Variants in SLIT1 observed in about 807,000 individuals in gnomAD.
The protein encoded by SLIT1 is slit guidance ligand 1, also known as slit homolog 1 protein.
Under a neutral mutation model 186.1 loss-of-function variants are expected in SLIT1, and 66 were observed. That is an observed-to-expected ratio of 0.35 (90% CI 0.29 to 0.44). The LOEUF (loss-of-function observed/expected upper bound fraction) is 0.44, where lower values mean the gene tolerates loss of function less well. Among genes scored for constraint, SLIT1 ranks in the 20% least tolerant of loss-of-function variants. SLIT1 has a pLI of 1.00. For missense variants in SLIT1, 1,638 were observed against 2,037.4 expected, an observed-to-expected ratio of 0.80 and a Z score of 3.77; for synonymous variants, 761 against 833.8, an observed-to-expected ratio of 0.91 and a Z score of 1.50.
At position 97,004,359 on chromosome 10, in the gene SLIT1, A is replaced by G. The variant is rs535667647; in HGVS notation, c.3711-137T>C. The G allele has an allele frequency of 6.0e-5, 52 of 873,336 alleles. No homozygotes were observed. The highest frequency in any genetic ancestry group is 1.7e-4 in the Admixed American group (7 of 40,544). The allele number at this position is 873,336 out of a possible 1,614,324, so 54.1% of individuals were successfully genotyped here. ...TAAGGAAAAGGACTGTGGGGGCTCAAGGGTCTATCGCATGATCCCTTTCAC... is the reference window on the plus strand; with the variant it reads ...TAAGGAAAAGGACTGTGGGGGCTCAGGGGTCTATCGCATGATCCCTTTCAC... On this transcript the variant is annotated intron_variant, in intron 33 of 36. Coordinates refer to ENST00000266058, the MANE Select transcript of SLIT1 (RefSeq NM_003061.3). The surrounding 1 kb of genome is among the most constrained non-coding windows in gnomAD (Gnocchi z 5.1).
chr10:97,166,623 G>GAGAAAAGAAAAGAAAAGAAAAGAAA (rs5787222), intron 1 of SLIT1, among the ~76,000 whole-genome samples: 6 of 42,658 alleles, frequency 1.4e-4, no homozygotes, highest in Admixed American at 2.7e-4. Context: ...AAGAAAGAAA[G>GAGAAAAGAAAAGAAAAGAAAAGAAA]AGAAAAGAAA....
intron 1 of SLIT1, among the ~76,000 whole-genome samples, chr10:97,166,540 A>AAGG (rs60576608): frequency 0.51 from 48,515 of 94,752 alleles, 13,435 homozygotes; most frequent in Admixed American, 0.61. Context: ...AGAAGGAAGG[A>AAGG]AGGAAGGAAG....
At chr10:97,105,691 G>T (rs1457804282) in intron 4 of SLIT1, among the ~76,000 whole-genome samples, 1 of 152,218 alleles carries the variant, frequency 6.6e-6, no homozygotes, top group Non-Finnish European at 1.5e-5. Context: ...GGACCACAGG[G>T]CATCTCCGCA....
intron 1 of SLIT1, among the ~76,000 whole-genome samples, chr10:97,178,331 G>C (rs1850283985): frequency 6.6e-6 from 1 of 152,172 alleles, no homozygotes; most frequent in Non-Finnish European, 1.5e-5. Context: ...GTCATTATTT[G>C]GCATTCCCTG....
At position 97,157,887 on chromosome 10, in the gene SLIT1, C is replaced by G; in HGVS notation, c.344G>C (p.Arg115Pro). Residue 115 changes from arginine (R) to proline (P), a missense_variant and splice_region_variant, in exon 4 of 37, where the codon CGA (arginine) becomes CCA (proline). Around this residue, in one of 3 missense-constraint regions of SLIT1, gnomAD observed 1,245 missense variants for 1,535.3 expected, o/e 0.81. Transcript: ENST00000266058. ...FDDMKELERL[R>P]LNRNQLHMLP... ...CATGTGCAGCTGGTTTCGGTTCAGT[C>G]GCCTATAAAAGAGAAGAAGAATTGG... 1 of 1,612,772 alleles carries G rather than the reference C, an allele frequency of 6.2e-7. No individual in the cohort carries two copies. Among genetic ancestry groups the G allele is most frequent in the Non-Finnish European group, 8.5e-7 (1 of 1,178,812 alleles).
intron 4 of SLIT1, among the ~76,000 whole-genome samples, chr10:97,108,854 CT>C (rs1438476346): frequency 1.6e-4 from 22 of 133,702 alleles, no homozygotes; most frequent in Admixed American, 1.5e-3. Flanking sequence ...CGCCACTGCG[CT>C]CCAGCCTGGT....
chr10:97,157,755 G>T (rs1849969900), intron 4 of SLIT1, 63 bp downstream of exon 4: 4 of 1,254,480 alleles, frequency 3.2e-6, no homozygotes, highest in Middle Eastern at 1.9e-4. Context: ...CAAACACTGT[G>T]CCTCCCACAG....
At chr10:97,062,801 A>G (rs1315420071) in intron 8 of SLIT1, among the ~76,000 whole-genome samples, 1 of 152,246 alleles carries the variant, frequency 6.6e-6, no homozygotes, top group East Asian at 1.9e-4. Context: ...CGGCCAGGTG[A>G]GTACACGAGC....
At position 97,043,293 on chromosome 10, in the gene SLIT1, T is replaced by C; in HGVS notation, c.1997+77A>G. On this transcript the variant is annotated intron_variant, in intron 19 of 36. Coordinates refer to ENST00000266058, the MANE Select transcript of SLIT1 (RefSeq NM_003061.3). This position sits in a 1 kb window ranked among gnomAD's most constrained non-coding sequence, Gnocchi z 7.0. ...GACCCAGCACCCCCAGGGTGAGCTCTTTCAAAGTGGCTGGCCGAGACGGTT... is the reference window on the plus strand; with the variant it reads ...GACCCAGCACCCCCAGGGTGAGCTCCTTCAAAGTGGCTGGCCGAGACGGTT... 4 of 1,583,076 alleles carry C rather than the reference T, an allele frequency of 2.5e-6. No individual in the cohort carries two copies. In the South Asian group the frequency reaches 3.4e-5, roughly 13 times the overall value.
At chr10:97,051,490 A>T (rs1227871102) in intron 13 of SLIT1, among the ~76,000 whole-genome samples, 1 of 152,080 alleles carries the variant, frequency 6.6e-6, no homozygotes, top group East Asian at 1.9e-4. Context: ...GTTAAACAGG[A>T]ATCTACCATA....
At chr10:97,029,072 G>A (rs1324872683) in intron 25 of SLIT1, among the ~76,000 whole-genome samples, 1 of 152,040 alleles carries the variant, frequency 6.6e-6, no homozygotes, top group South Asian at 2.1e-4. Flanking sequence ...AACATAAAAC[G>A]CACTTCCCGG....
intron 31 of SLIT1, among the ~76,000 whole-genome samples, chr10:97,009,766 CT>C (rs1848395165): frequency 6.6e-6 from 1 of 152,104 alleles, no homozygotes; most frequent in Admixed American, 6.6e-5. Flanking sequence ...TATAAAAAGC[CT>C]TTACAACTCA....
intron 11 of SLIT1, chr10:97,057,859 G>A (rs552670548): frequency 3.3e-6 from 2 of 611,708 alleles, no homozygotes; most frequent in African/African-American, 3.7e-5. Flanking sequence ...AGACATGGGT[G>A]GGTTCAGGAG....
intron 13 of SLIT1, among the ~76,000 whole-genome samples, chr10:97,054,090 G>A (rs769075649): frequency 1.3e-5 from 2 of 151,838 alleles, no homozygotes; most frequent in East Asian, 2.0e-4. Flanking sequence ...ACCAACAACC[G>A]CTCGGCTTCT....
chr10:97,121,941 A>G (rs1291072018), intron 4 of SLIT1, among the ~76,000 whole-genome samples: 1 of 152,252 alleles, frequency 6.6e-6, no homozygotes, highest in Non-Finnish European at 1.5e-5. Context: ...TTTAATCCAT[A>G]AAATCTTATC....
intron 18 of SLIT1, 25 bp downstream of exon 18, chr10:97,046,629 C>G: frequency 6.3e-7 from 1 of 1,581,204 alleles, no homozygotes; most frequent in Non-Finnish European, 8.6e-7. Context: ...CTGGCCCACC[C>G]TGCTCCCCAG....
intron 4 of SLIT1, among the ~76,000 whole-genome samples, chr10:97,150,156 G>T (rs1849861329): frequency 1.3e-5 from 2 of 152,114 alleles, no homozygotes; most frequent in Non-Finnish European, 2.9e-5. Context: ...GCTGGGGAGG[G>T]GCGGCTGGGA....
In SLIT1 at chr10:97,043,343, C is replaced by G. The variant is rs767171953; in HGVS notation, c.1997+27G>C. 6.2e-7 allele frequency: 1 copy of G among 1,612,288 alleles called. No individual in the cohort carries two copies. Among genetic ancestry groups the G allele is most frequent in the Non-Finnish European group, 8.5e-7 (1 of 1,179,704 alleles). ...TGGGACGGTTGCTCCAGAGCCCCCG[C>G]CCGCCTGTCCTGGAGGCCGGACTCA... On this transcript the variant is annotated intron_variant, in intron 19 of 36. Transcript: ENST00000266058. The surrounding 1 kb of genome is among the most constrained non-coding windows in gnomAD (Gnocchi z 7.0).
At chr10:97,122,965 C>T (rs1014246468) in intron 4 of SLIT1, among the ~76,000 whole-genome samples, 5 of 152,340 alleles carry the variant, frequency 3.3e-5, no homozygotes, top group African/African-American at 1.2e-4. Flanking sequence ...AACTTGTCCT[C>T]ATCAACAGAT....
Sources: allele counts gnomAD v4.1 joint callset (sites outside exome capture counted in the v4.1 genomes callset), GRCh38; gene constraint gnomAD v4.1.1; regional missense constraint gnomAD v4.1.1; non-coding constraint Gnocchi (gnomAD v3.1); transcripts MANE v1.5; gene names NCBI Gene and HGNC (gene_info 2026-07-23, HGNC 2026-07-21).